Variants in CACNA1S observed in about 807,000 individuals in gnomAD.
CACNA1S encodes the protein voltage-dependent L-type calcium channel subunit alpha-1S.
In CACNA1S, 126 loss-of-function variants were observed where a neutral mutation model predicts 207.4. The observed-to-expected ratio is 0.61, with a 90% CI of 0.53 to 0.70. CACNA1S has a LOEUF of 0.70. Among genes scored for constraint, CACNA1S ranks in the 30% least tolerant of loss-of-function variants. CACNA1S has a pLI of 0.00. For synonymous variants in CACNA1S, 960 were observed against 932.7 expected, an observed-to-expected ratio of 1.03 and a Z score of -0.53; for missense variants, 2,349 against 2,422.8, an observed-to-expected ratio of 0.97 and a Z score of 0.64.
Position 201,053,538 on chromosome 1 carries a change from C to G in CACNA1S, c.3716G>C (p.Arg1239Pro). Residue 1239 changes from arginine (R) to proline (P), a missense_variant, in exon 30 of 44, where the codon CGT becomes CCT. Transcript: ENST00000362061. This position sits in a 1 kb window ranked among gnomAD's most constrained non-coding sequence, Gnocchi z 5.1. ...CAGCAGCTTGATCAGCCTCATGACA[C>G]GGAACAGGCGGAAGAAGGCGCTGGA... ...RISSAFFRLF[R>P]VMRLIKLLSR... 1 of 1,614,076 alleles carries G rather than the reference C, an allele frequency of 6.2e-7. No homozygotes were observed. Among genetic ancestry groups the G allele is most frequent in the Non-Finnish European group, 8.5e-7 (1 of 1,180,004 alleles).
intron 16 of CACNA1S, among the ~76,000 whole-genome samples, chr1:201,070,632 A>G (rs1558068185): frequency 6.6e-6 from 1 of 152,136 alleles, no homozygotes; most frequent in Non-Finnish European, 1.5e-5. Context: ...AACCTTCCAG[A>G]AGTGGGGCAA....
At position 201,077,019 on chromosome 1, in the gene CACNA1S, C is replaced by T. The variant is rs774495290; in HGVS notation, c.1728G>A (p.Leu576=). The T allele has an allele frequency of 1.2e-6, 2 of 1,614,104 alleles. No individual in the cohort carries two copies. Among genetic ancestry groups the T allele is most frequent in the African/African-American group, 1.3e-5 (1 of 74,926 alleles). Residue 576 remains leucine, a synonymous_variant, in exon 12 of 44, where the codon CTG becomes CTA. Transcript: ENST00000362061. The part of the protein sequence containing the change: ...LFLFIVIFAL[L]GMQLFGGRYD... ...ACCTCCCCCCAAAGAGCTGCATGCCCAGGAGGGCGAAGATGACGATGAAGA... is the reference window on the plus strand; with the variant it reads ...ACCTCCCCCCAAAGAGCTGCATGCCTAGGAGGGCGAAGATGACGATGAAGA...
chr1:201,054,315 C>T (rs1447454644), intron 29 of CACNA1S, among the ~76,000 whole-genome samples, 190 bp downstream of exon 29: 1 of 152,180 alleles, frequency 6.6e-6, no homozygotes, highest in African/African-American at 2.4e-5. Context: ...CCGCTATATC[C>T]ATGCACACTT....
chr1:201,078,517 CAAAAAAAAAAAA>C (rs10581578), intron 10 of CACNA1S, among the ~76,000 whole-genome samples: 2 of 121,726 alleles, frequency 1.6e-5, no homozygotes, highest in African/African-American at 3.1e-5. Flanking sequence ...AAATTAGCTT[CAAAAAAAAAAAA>C]AAAAAAAAAA....
intron 7 of CACNA1S, 87 bp from the exon 8 acceptor site, chr1:201,085,668 A>T (rs1662014960): frequency 2.7e-6 from 4 of 1,498,518 alleles, no homozygotes; most frequent in South Asian, 2.4e-5. Context: ...AGACAAGCCC[A>T]TTCTGTGACT....
At chr1:201,088,165 G>A (rs528520759) in intron 6 of CACNA1S, among the ~76,000 whole-genome samples, 23 of 152,120 alleles carry the variant, frequency 1.5e-4, no homozygotes, top group Non-Finnish European at 2.5e-4. Context: ...TACCTGGCCC[G>A]GGCAAGACTG....
At chr1:201,079,166 A>G (rs1661752649) in intron 10 of CACNA1S, among the ~76,000 whole-genome samples, 1 of 149,412 alleles carries the variant, frequency 6.7e-6, no homozygotes, top group Admixed American at 6.7e-5. Context: ...TTTTCCCTCT[A>G]TCTTCTATCC....
chr1:201,091,470 T>A (rs1293444052), intron 5 of CACNA1S, among the ~76,000 whole-genome samples, 170 bp downstream of exon 5: 1 of 152,184 alleles, frequency 6.6e-6, no homozygotes, highest in East Asian at 1.9e-4. Flanking sequence ...CTGACTCCAG[T>A]AGAGCTGCCC....
At chr1:201,040,169 G>T in intron 43 of CACNA1S, 62 bp downstream of exon 43, 8 of 1,611,854 alleles carry the variant, frequency 5.0e-6, no homozygotes, top group Non-Finnish European at 5.9e-6. Flanking sequence ...CTCTCTCCAC[G>T]CCAGGCCATC....
In CACNA1S at chr1:201,043,487, C is replaced by A; in HGVS notation, c.4842G>T (p.Arg1614Ser). 6.2e-7 allele frequency: 1 copy of A among 1,613,918 alleles called. No individual in the cohort carries two copies. The highest frequency in any genetic ancestry group is 8.5e-7 in the Non-Finnish European group (1 of 1,179,992). ...LFGQVDNFLE[R>S]TNSLPPVMAN... is the part of the protein sequence containing the mutation. Reference sequence around the variant, plus strand: ...CCATGACGGGGGGCAGGGAGTTGGTCCTTTCCAGGAAGTTGTCCACCTGGC... The same window carrying A: ...CCATGACGGGGGGCAGGGAGTTGGTACTTTCCAGGAAGTTGTCCACCTGGC... The change falls in exon 40 of 44, where the codon AGG (arginine) becomes AGT (serine). Residue 1614 changes from arginine (R) to serine (S), a missense_variant. By Grantham distance (110) the Arg-to-Ser change is moderately radical (BLOSUM62 -1). Coordinates refer to ENST00000362061, the MANE Select transcript of CACNA1S (RefSeq NM_000069.3).
At position 201,053,278 on chromosome 1, in the gene CACNA1S, C is replaced by A. The variant is rs1456427497; in HGVS notation, c.3796-4G>T. 6.2e-7 allele frequency: 1 copy of A among 1,614,162 alleles called. No individual in the cohort carries two copies. Among genetic ancestry groups the A allele is most frequent in the African/African-American group, 1.3e-5 (1 of 75,058 alleles). On this transcript the variant is annotated splice_polypyrimidine_tract_variant and splice_region_variant and intron_variant, in intron 30 of 43. Transcript: ENST00000362061. This position sits in a 1 kb window ranked among gnomAD's most constrained non-coding sequence, Gnocchi z 5.1. Reference sequence around the variant, plus strand: ...GCAGAGCCACGTAGGGTAGGGCCTGCAGGGCGGGCGGGAGCGCCAGTCAGT... The same window carrying A: ...GCAGAGCCACGTAGGGTAGGGCCTGAAGGGCGGGCGGGAGCGCCAGTCAGT...
intron 10 of CACNA1S, among the ~76,000 whole-genome samples, chr1:201,079,480 T>TATTTTCCTAAGCCTCCTCTGC (rs1268125892): frequency 2.5e-4 from 38 of 152,268 alleles, no homozygotes; most frequent in Middle Eastern, 3.4e-3. Context: ...TACTTCTCTG[T>TATTTTCCTAAGCCTCCTCTGC]ATTTTCCTAA....
chr1:201,065,914 C>G lies in CACNA1S; in HGVS notation c.2777G>C (p.Ser926Thr), dbSNP rs1661220325. The G allele has an allele frequency of 6.2e-7, 1 of 1,613,778 alleles. No individual in the cohort carries two copies. The highest frequency in any genetic ancestry group is 1.3e-5 in the African/African-American group (1 of 74,900). ...GACCAGCACGATGTTCCCGATGGTG[C>G]TGATGGCCACGAACATGCACTGCAC... ...HVVQCMFVAISTIGNIVLVTT... is the reference protein window; with the variant it reads ...HVVQCMFVAITTIGNIVLVTT... The change falls in exon 22 of 44, where the codon AGC (serine) becomes ACC (threonine). Residue 926 changes from serine (S) to threonine (T), a missense_variant. Coordinates refer to ENST00000362061, the MANE Select transcript of CACNA1S (RefSeq NM_000069.3).
At chr1:201,041,426 ACT>A in intron 41 of CACNA1S, 76 bp downstream of exon 41, 1 of 1,126,350 alleles carries the variant, frequency 8.9e-7, no homozygotes, top group Non-Finnish European at 1.3e-6. Flanking sequence ...AAGTTCCCAG[ACT>A]CTAAGAAAAG....
intron 9 of CACNA1S, among the ~76,000 whole-genome samples, chr1:201,084,281 C>A (rs575629167): frequency 3.7e-4 from 56 of 152,030 alleles, no homozygotes; most frequent in African/African-American, 1.2e-3. Flanking sequence ...AAAATCAAAA[C>A]AAAAACAAAA....
intron 1 of CACNA1S, among the ~76,000 whole-genome samples, chr1:201,111,063 G>GGGGGCTACTAGAGGGGAA (rs199794707): frequency 0.038 from 5,843 of 152,114 alleles, 373 homozygotes; most frequent in African/African-American, 0.13. Context: ...CACAGGGGCA[G>GGGGGCTACTAGAGGGGAA]GGCGCAGAGG....
intron 18 of CACNA1S, 99 bp downstream of exon 18, chr1:201,069,373 T>A (rs17420160): frequency 1.9e-6 from 3 of 1,543,298 alleles, no homozygotes; most frequent in Non-Finnish European, 2.7e-6. Context: ...GAAACTCTGA[T>A]GCTTGTAGCC....
rs184836789 is a variant in CACNA1S at position 201,063,085 on chromosome 1, G to A, written c.2854-571C>T. Among the ~76,000 whole-genome samples the A allele has an allele frequency of 1.9e-3, 290 of 152,112 alleles. 2 individuals carry two copies. Among genetic ancestry groups the A allele is most frequent in the Non-Finnish European group, 3.3e-3 (223 of 68,002 alleles). On this transcript the variant is annotated intron_variant, in intron 22 of 43. Transcript: ENST00000362061. ...TGTCCCAGCCCAAGGCCCAGGTAGG[G>A]GGGCTCTGTGCTCCTCTGCACTGAC... is the stretch of plus-strand genomic sequence containing the variant.
chr1:201,044,657 T>A (rs1660413986), intron 38 of CACNA1S, among the ~76,000 whole-genome samples: 1 of 152,174 alleles, frequency 6.6e-6, no homozygotes, highest in Non-Finnish European at 1.5e-5. Flanking sequence ...ATTATAGGCA[T>A]GTGCCACCAC....
Sources: gnomAD v4.1 joint callset for allele counts (sites outside exome capture counted in the v4.1 genomes callset) on GRCh38, gnomAD v4.1.1 for gene constraint, Gnocchi (gnomAD v3.1) non-coding constraint, MANE v1.5 for transcripts, NCBI Gene and HGNC (gene_info 2026-07-23, HGNC 2026-07-21) for gene names.